Variants in CSMD2 observed in about 807,000 individuals in gnomAD.
The protein encoded by CSMD2 is CUB and Sushi multiple domains 2.
Under a neutral mutation model 398.5 loss-of-function variants are expected in CSMD2, and 130 were observed. The observed-to-expected ratio is 0.33, with a 90% CI of 0.28 to 0.38. CSMD2 has a LOEUF of 0.38. Ranked by LOEUF, CSMD2 falls within the 10% of genes least tolerant of loss-of-function variation. The probability of loss-of-function intolerance (pLI) is 1.00; values close to 1 mark genes in which losing one functional copy is unlikely to be tolerated. For missense variants in CSMD2, 3,829 were observed against 4,764.9 expected (o/e 0.80, Z 5.78); for synonymous variants, 1,828 against 1,908.5 (o/e 0.96, Z 1.10).
At chr1:33,609,035 G>A (rs1262769408) in intron 41 of CSMD2, among the ~76,000 whole-genome samples, 1 of 152,194 alleles carries the variant, frequency 6.6e-6, no homozygotes, top group African/African-American at 2.4e-5. Flanking sequence ...ACACCTCCCA[G>A]ATAATAGGCA....
At chr1:33,983,156 G>A (rs1022640429) in intron 3 of CSMD2, among the ~76,000 whole-genome samples, 4 of 152,188 alleles carry the variant, frequency 2.6e-5, no homozygotes, top group African/African-American at 9.7e-5. Flanking sequence ...AGGGCCCTCT[G>A]CAGAGGGAGA....
At chr1:33,800,970 A>G (rs752080323) in intron 10 of CSMD2, among the ~76,000 whole-genome samples, 9 of 136,870 alleles carry the variant, frequency 6.6e-5, no homozygotes, top group Non-Finnish European at 1.5e-4. Context: ...CTGAATGAAT[A>G]AGTGAGTGAA....
At chr1:33,855,898 T>A (rs1340434245) in intron 5 of CSMD2, among the ~76,000 whole-genome samples, 3 of 152,242 alleles carry the variant, frequency 2.0e-5, no homozygotes, top group Non-Finnish European at 2.9e-5. Flanking sequence ...ATCACCTGTC[T>A]TGTTCCTCAC....
At chr1:33,615,585 T>A (rs958409237) in intron 39 of CSMD2, among the ~76,000 whole-genome samples, 1 of 152,158 alleles carries the variant, frequency 6.6e-6, no homozygotes, top group Non-Finnish European at 1.5e-5. Context: ...AAAATGGAAC[T>A]AGTGACAGCA....
rs533880020 is a variant in CSMD2 at position 33,721,617 on chromosome 1, C to G, written c.3001+2580G>C. ...AACAAGGACACTGTTCCAGCCCTCC[C>G]CTCCTTAGGAACAATGTTGTGGGAA... On this transcript the variant is annotated intron_variant, in intron 19 of 70. Transcript: ENST00000373381. Among the ~76,000 whole-genome samples the G allele has an allele frequency of 3.3e-4, 51 of 152,308 alleles. No individual in the cohort carries two copies. The Middle Eastern group carries it at 0.02, about 61-fold the overall frequency.
intron 65 of CSMD2, among the ~76,000 whole-genome samples, 155 bp from the exon 66 acceptor site, chr1:33,525,198 C>T (rs536061080): frequency 6.6e-6 from 1 of 152,278 alleles, no homozygotes; most frequent in South Asian, 2.1e-4. Flanking sequence ...GGCCTCTTCT[C>T]GTCTTGTGTC....
At chr1:33,787,585 C>T (rs530931650) in intron 12 of CSMD2, among the ~76,000 whole-genome samples, 38 of 152,346 alleles carry the variant, frequency 2.5e-4, no homozygotes, top group Admixed American at 3.3e-4. Context: ...CATGCCACTT[C>T]GTTTGCTTTC....
intron 44 of CSMD2, chr1:33,600,621 C>T (rs528054546): frequency 1.8e-6 from 1 of 563,380 alleles, no homozygotes; most frequent in East Asian, 3.0e-5. Flanking sequence ...AAGGTTTGGG[C>T]TTCTGTGCCT....
chr1:33,533,300 C>A lies in CSMD2; in HGVS notation c.9992-71G>T. 1 of 1,350,380 alleles carries A rather than the reference C, an allele frequency of 7.4e-7. No homozygotes were observed. The highest frequency in any genetic ancestry group is 2.4e-5 in the East Asian group (1 of 41,980). The allele number at this position is 1,350,380 out of a possible 1,614,324, so 83.6% of individuals were successfully genotyped here. A position where few individuals can be genotyped will look rare whatever the true frequency, so the allele number is the denominator to read the frequency against. ...TTCAGGGGCCCTTTCGACCATTCCCCTGTTCCTAGATAGAATATCCTCTTC... is the reference window on the plus strand; with the variant it reads ...TTCAGGGGCCCTTTCGACCATTCCCATGTTCCTAGATAGAATATCCTCTTC... On this transcript the variant is annotated intron_variant, in intron 63 of 70. Coordinates refer to ENST00000373381, the MANE Select transcript of CSMD2 (RefSeq NM_001281956.2). The surrounding 1 kb of genome is among the most constrained non-coding windows in gnomAD (Gnocchi z 4.2).
chr1:34,001,745 A>G (rs1401953134), intron 3 of CSMD2, among the ~76,000 whole-genome samples: 1 of 152,156 alleles, frequency 6.6e-6, no homozygotes, highest in African/African-American at 2.4e-5. Flanking sequence ...AGATTACACA[A>G]CCCTGAGGAT....
intron 5 of CSMD2, among the ~76,000 whole-genome samples, chr1:33,871,837 G>A (rs1160228161): frequency 3.9e-5 from 6 of 152,192 alleles, no homozygotes; most frequent in East Asian, 3.9e-4. Context: ...GGCTGGGCTC[G>A]AACTCCTGAT....
intron 1 of CSMD2, among the ~76,000 whole-genome samples, chr1:34,144,234 G>C (rs1639567046): frequency 3.3e-5 from 5 of 152,156 alleles, no homozygotes; most frequent in Admixed American, 3.3e-4. Context: ...TGCAGGCGGT[G>C]CCAACCAGCT....
chr1:33,672,220 T>A (rs1320207707), intron 25 of CSMD2, among the ~76,000 whole-genome samples: 2 of 152,206 alleles, frequency 1.3e-5, no homozygotes, highest in African/African-American at 4.8e-5. Context: ...CCTTTCCTAG[T>A]CAAAGAAAGG....
At chr1:33,736,063 G>A (rs1245174810) in intron 15 of CSMD2, among the ~76,000 whole-genome samples, 1 of 152,168 alleles carries the variant, frequency 6.6e-6, no homozygotes. Flanking sequence ...GGCATCAAAT[G>A]CCCATCGCTC....
chr1:33,788,834 C>T lies in CSMD2; in HGVS notation c.1551-122G>A, dbSNP rs1653872618. 6.2e-6 allele frequency: 4 copies of T among 649,700 alleles called. No homozygotes were observed. The South Asian group carries it at 7.3e-5, about 12-fold the overall frequency. The allele number at this position is 649,700 out of a possible 1,614,324, so 40.2% of individuals were successfully genotyped here. A position where few individuals can be genotyped will look rare whatever the true frequency, so the allele number is the denominator to read the frequency against. On this transcript the variant is annotated intron_variant, in intron 11 of 70. Coordinates refer to ENST00000373381, the MANE Select transcript of CSMD2 (RefSeq NM_001281956.2). ...CAGGCCCGCTCGGGCAAATTCTGGGCCCCACTGTGTTTCTGACTCTGGAGC... is the reference window on the plus strand; with the variant it reads ...CAGGCCCGCTCGGGCAAATTCTGGGTCCCACTGTGTTTCTGACTCTGGAGC...
intron 3 of CSMD2, among the ~76,000 whole-genome samples, chr1:33,961,069 G>A (rs1053622194): frequency 2.0e-5 from 3 of 152,178 alleles, no homozygotes; most frequent in South Asian, 2.1e-4. Flanking sequence ...GCGCTACAGC[G>A]CATCAGCCCC....
At chr1:33,543,813 G>T (rs1049904463) in intron 57 of CSMD2, among the ~76,000 whole-genome samples, 2 of 152,170 alleles carry the variant, frequency 1.3e-5, no homozygotes, top group Non-Finnish European at 2.9e-5. Flanking sequence ...GATAATGCTT[G>T]ATTTTTTGTG....
chr1:33,740,420 C>A (rs1647021218), intron 14 of CSMD2, among the ~76,000 whole-genome samples: 1 of 152,184 alleles, frequency 6.6e-6, no homozygotes, highest in Non-Finnish European at 1.5e-5. Flanking sequence ...ATTTCTTGGC[C>A]TCTGAAATTC....
At chr1:33,569,262 T>C in intron 52 of CSMD2, 112 bp downstream of exon 52, 2 of 1,179,372 alleles carry the variant, frequency 1.7e-6, no homozygotes. Context: ...ATTAAGCATT[T>C]TATGTCAATA....
Sources: gnomAD v4.1 joint callset for allele counts (sites outside exome capture counted in the v4.1 genomes callset) on GRCh38, gnomAD v4.1.1 for gene constraint, Gnocchi (gnomAD v3.1) non-coding constraint, MANE v1.5 for transcripts, NCBI Gene and HGNC (gene_info 2026-07-23, HGNC 2026-07-21) for gene names.